TJP1: variants seen among roughly 807,000 people sequenced by gnomAD.
TJP1 encodes tight junction protein 1.
In TJP1, 43 loss-of-function variants were observed where a neutral mutation model predicts 194.2. The observed-to-expected ratio is 0.22, with a 90% CI of 0.17 to 0.29. The LOEUF is 0.29. TJP1 is among the 10% of genes least tolerant of loss of function. TJP1 has a pLI of 1.00. For synonymous variants in TJP1, 801 were observed against 779.0 expected, an observed-to-expected ratio of 1.03 and a Z score of -0.47; for missense variants, 1,971 against 2,185.7, an observed-to-expected ratio of 0.90 and a Z score of 1.96.
intron 2 of TJP1, among the ~76,000 whole-genome samples, chr15:29,854,133 A>T (rs974051901): frequency 6.6e-6 from 1 of 152,134 alleles, no homozygotes. Flanking sequence ...CAAACTCTAA[A>T]TCCATGTGCA....
chr15:29,800,729 A>G (rs373366531), intron 1 of TJP1, 27 bp from the exon 2 acceptor site: 2 of 1,610,604 alleles, frequency 1.2e-6, no homozygotes, highest in Non-Finnish European at 1.7e-6. Flanking sequence ...AAAACAAATC[A>G]TTTACCTTTT....
intron 2 of TJP1, among the ~76,000 whole-genome samples, chr15:29,799,670 C>T (rs2048653493): frequency 6.6e-6 from 1 of 152,152 alleles, no homozygotes; most frequent in Admixed American, 6.5e-5. Context: ...CTGCCTCAGC[C>T]TCCCAAAGTG....
At chr15:29,732,089 G>A (rs1207521379) in intron 15 of TJP1, 2 of 208,328 alleles carry the variant, frequency 9.6e-6, no homozygotes, top group Non-Finnish European at 1.9e-5. Flanking sequence ...GAAGAAACTG[G>A]AAAGGATCCA....
chr15:29,708,425 C>G (rs2042038059), intron 25 of TJP1, 134 bp downstream of exon 25: 1 of 741,182 alleles, frequency 1.3e-6, no homozygotes, highest in Admixed American at 2.4e-5. Flanking sequence ...TAACAGCATT[C>G]ATTGCAACAA....
At chr15:29,842,450 C>T (rs993925230) in intron 2 of TJP1, among the ~76,000 whole-genome samples, 2 of 151,990 alleles carry the variant, frequency 1.3e-5, no homozygotes, top group South Asian at 4.2e-4. Flanking sequence ...ATGCCATCCC[C>T]CACCGCAGGT....
chr15:29,952,222 T>C (rs2055775111), intron 2 of TJP1, among the ~76,000 whole-genome samples: 1 of 152,222 alleles, frequency 6.6e-6, no homozygotes, highest in Non-Finnish European at 1.5e-5. Context: ...GCTCAGGTTT[T>C]CTAGGCAAAA....
chr15:29,932,753 C>T (rs2054760914), intron 2 of TJP1, among the ~76,000 whole-genome samples: 1 of 152,112 alleles, frequency 6.6e-6, no homozygotes, highest in African/African-American at 2.4e-5. Context: ...AATCAACAAT[C>T]TTCTCTCCAA....
intron 2 of TJP1, among the ~76,000 whole-genome samples, chr15:29,852,989 T>A (rs1335457502): frequency 2.0e-5 from 3 of 152,048 alleles, no homozygotes; most frequent in Admixed American, 6.6e-5. Context: ...ATCCCCAAAC[T>A]GGAATCAGCC....
intron 2 of TJP1, among the ~76,000 whole-genome samples, chr15:29,916,047 C>A (rs1229759273): frequency 3.3e-5 from 5 of 151,984 alleles, no homozygotes; most frequent in Non-Finnish European, 7.4e-5. Context: ...GATTTTCAGA[C>A]CAGCCTGGCC....
At chr15:29,711,141 T>G in intron 23 of TJP1, 141 bp from the exon 24 acceptor site, 3 of 878,700 alleles carry the variant, frequency 3.4e-6, no homozygotes, top group Non-Finnish European at 4.9e-6. Context: ...GGGTAGCTAC[T>G]CTACCAAAAT....
chr15:29,739,228 T>G (rs2044236010), intron 10 of TJP1, among the ~76,000 whole-genome samples: 1 of 152,186 alleles, frequency 6.6e-6, no homozygotes, highest in Non-Finnish European at 1.5e-5. Flanking sequence ...TCACCAACAG[T>G]GTCATGTGCC....
intron 16 of TJP1, 79 bp downstream of exon 16, chr15:29,727,858 C>T: frequency 8.2e-7 from 1 of 1,218,706 alleles, no homozygotes; most frequent in Non-Finnish European, 1.2e-6. Flanking sequence ...AAACTACCTT[C>T]TACTTTCAAA....
intron 2 of TJP1, among the ~76,000 whole-genome samples, chr15:29,949,604 T>TCCACCTCCACAACCA (rs2055523915): frequency 1.3e-4 from 4 of 29,696 alleles, no homozygotes; most frequent in Non-Finnish European, 7.1e-5. Context: ...AACCACCACC[T>TCCACCTCCACAACCA]CCACCTTCAC....
upstream of TJP1, chr15:29,824,106 A>AG (rs2050594887): frequency 1.5e-5 from 2 of 137,922 alleles, no homozygotes; most frequent in African/African-American, 5.7e-5. Flanking sequence ...AAAAAAAAAA[A>AG]AAAAAAAAAA....
At chr15:29,954,641 G>T (rs1371712473) in intron 2 of TJP1, among the ~76,000 whole-genome samples, 3 of 151,938 alleles carry the variant, frequency 2.0e-5, no homozygotes, top group African/African-American at 7.3e-5. Context: ...AATGTCTTCT[G>T]GTAGGTCACA....
chr15:29,900,114 A>G (rs1334421706), intron 2 of TJP1, among the ~76,000 whole-genome samples: 1 of 152,196 alleles, frequency 6.6e-6, no homozygotes, highest in Non-Finnish European at 1.5e-5. Context: ...CAAAGGTGAC[A>G]TGGAAATGAG....
At chr15:29,962,458 G>A (rs1326992348) in intron 1 of TJP1, among the ~76,000 whole-genome samples, 1 of 152,190 alleles carries the variant, frequency 6.6e-6, no homozygotes, top group Non-Finnish European at 1.5e-5. Context: ...AGTCACACAA[G>A]GACAAATCTA....
chr15:29,723,871 C>T (rs922806196), intron 18 of TJP1, among the ~76,000 whole-genome samples: 2 of 152,204 alleles, frequency 1.3e-5, no homozygotes, highest in African/African-American at 4.8e-5. Context: ...TCACTGGACA[C>T]TAACGTGACA....
intron 2 of TJP1, among the ~76,000 whole-genome samples, chr15:29,862,548 A>C (rs1170504042): frequency 1.3e-5 from 2 of 152,130 alleles, no homozygotes; most frequent in Admixed American, 6.5e-5. Context: ...TTGAGGCAAA[A>C]GGAAAGCGGA....
Sources: allele counts gnomAD v4.1 joint callset (sites outside exome capture counted in the v4.1 genomes callset), GRCh38; gene constraint gnomAD v4.1.1; transcripts MANE v1.5; gene names NCBI Gene and HGNC (gene_info 2026-07-23, HGNC 2026-07-21).